The following ITGBL1 variants were observed in gnomAD, a reference collection of about 807,000 sequenced individuals.
The protein encoded by ITGBL1 is integrin beta-like protein 1.
A neutral mutation model predicts 68.5 loss-of-function variants in ITGBL1; 51 were observed. The ratio of observed to expected loss-of-function variants is 0.74; its 90% CI spans 0.59 to 0.94. The LOEUF (loss-of-function observed/expected upper bound fraction) is 0.94, where lower values mean the gene tolerates loss of function less well. Ranked by LOEUF, ITGBL1 falls within the 40% of genes least tolerant of loss-of-function variation. The pLI, the probability that ITGBL1 is intolerant of heterozygous loss-of-function variation, is 0.00. For synonymous variants in ITGBL1, 209 were observed against 227.3 expected, an observed-to-expected ratio of 0.92 and a Z score of 0.72; for missense variants, 649 against 647.4, an observed-to-expected ratio of 1.00 and a Z score of -0.03.
At chr13:101,595,804 A>T (rs1029167447) in intron 6 of ITGBL1, among the ~76,000 whole-genome samples, 1 of 152,146 alleles carries the variant, frequency 6.6e-6, no homozygotes, top group Non-Finnish European at 1.5e-5. Flanking sequence ...TTAAAAAATC[A>T]AAAAGAGAAT....
chr13:101,495,243 C>T (rs1384015997), intron 2 of ITGBL1, among the ~76,000 whole-genome samples: 1 of 152,126 alleles, frequency 6.6e-6, no homozygotes, highest in Non-Finnish European at 1.5e-5. Flanking sequence ...AGACAAAACT[C>T]CTGGTGTTCA....
chr13:101,613,806 G>A (rs1273954155), intron 7 of ITGBL1, among the ~76,000 whole-genome samples: 1 of 152,062 alleles, frequency 6.6e-6, no homozygotes, highest in Non-Finnish European at 1.5e-5. Flanking sequence ...CTGGGCGTCC[G>A]GGATTTTAAA....
At position 101,632,448 on chromosome 13, in the gene ITGBL1, T is replaced by G. The variant is rs549892088; in HGVS notation, c.1015+34149T>G. 3.3e-3 allele frequency among the ~76,000 whole-genome samples: 502 copies of G among 152,318 alleles called. 9 individuals carry two copies. Among genetic ancestry groups the G allele is most frequent in the Non-Finnish European group, 5.4e-3 (367 of 68,034 alleles). On this transcript the variant is annotated intron_variant, in intron 7 of 10. Coordinates refer to ENST00000376180, the MANE Select transcript of ITGBL1 (RefSeq NM_004791.3). ...TGTAAAGCCCAGAACTCTCATACAT[T>G]GCTGTTGGGAGTATAAAATGGAACA...
Position 101,567,831 on chromosome 13 carries a change from T to C in ITGBL1, c.449T>C (p.Ile150Thr), listed in dbSNP as rs370955494. The part of the protein sequence containing the change: ...NQMCKNSQDI[I>T]CSNAGTCHCG... Reference sequence around the variant, plus strand: ...ATGTGCAAGAATTCACAAGACATCATCTGCTCTAATGCAGGTAAGAAGTAT... The same window carrying C: ...ATGTGCAAGAATTCACAAGACATCACCTGCTCTAATGCAGGTAAGAAGTAT... The change falls in exon 3 of 11, where the codon ATC becomes ACC. Residue 150 changes from isoleucine to threonine, a missense_variant. Transcript: ENST00000376180. The C allele has an allele frequency of 1.1e-5, 17 of 1,612,952 alleles. No individual in the cohort carries two copies. The African/African-American group carries it at 2.1e-4, about 20-fold the overall frequency.
Position 101,583,258 on chromosome 13 carries a change from C to A in ITGBL1, c.770C>A (p.Pro257Gln), listed in dbSNP as rs140688507. The stretch of plus-strand genomic sequence containing the variant: ...GAATGTACCTGTCACGATGTTGATC[C>A]GACTGGGGACTGGGGAGATATTCAT... ...CGECTCHDVD[P>Q]TGDWGDIHGD... The change falls in exon 6 of 11, where the codon CCG becomes CAG. Residue 257 changes from proline (P) to glutamine (Q), a missense_variant. By Grantham distance (76) the Pro-to-Gln change is moderately conservative (BLOSUM62 -1). Transcript: ENST00000376180. The A allele has an allele frequency of 6.2e-7, 1 of 1,613,170 alleles. No homozygotes were observed. The highest frequency in any genetic ancestry group is 1.1e-5 in the South Asian group (1 of 91,036).
chr13:101,605,304 AG>A (rs1449413819), intron 7 of ITGBL1, among the ~76,000 whole-genome samples: 1 of 123,576 alleles, frequency 8.1e-6, no homozygotes, highest in Non-Finnish European at 1.7e-5. Flanking sequence ...ACACATATAT[AG>A]GCATGTATAT....
At chr13:101,623,988 C>A (rs890690025) in intron 7 of ITGBL1, among the ~76,000 whole-genome samples, 12 of 152,148 alleles carry the variant, frequency 7.9e-5, no homozygotes, top group African/African-American at 2.7e-4. Context: ...CATCTCCCCC[C>A]ACCCAGTTTA....
At chr13:101,484,196 T>A (rs1191327543) in intron 2 of ITGBL1, among the ~76,000 whole-genome samples, 1 of 152,162 alleles carries the variant, frequency 6.6e-6, no homozygotes, top group Non-Finnish European at 1.5e-5. Flanking sequence ...GTTTTATTTT[T>A]ATTTTTGTGG....
intron 7 of ITGBL1, among the ~76,000 whole-genome samples, chr13:101,636,851 A>T (rs2032186332): frequency 6.6e-6 from 1 of 152,164 alleles, no homozygotes; most frequent in African/African-American, 2.4e-5. Context: ...ATTTATTTGG[A>T]TGCCAAAGAC....
At chr13:101,699,391 G>A (rs1030460947) in intron 8 of ITGBL1, among the ~76,000 whole-genome samples, 4 of 152,070 alleles carry the variant, frequency 2.6e-5, no homozygotes, top group Admixed American at 2.0e-4. Flanking sequence ...GTGTCCCCAC[G>A]CAAATTTCAT....
At chr13:101,605,950 A>C (rs1354273522) in intron 7 of ITGBL1, among the ~76,000 whole-genome samples, 1 of 147,752 alleles carries the variant, frequency 6.8e-6, no homozygotes, top group Non-Finnish European at 1.5e-5. Context: ...ATGTGTATAT[A>C]TACACATATA....
At chr13:101,587,404 C>G (rs866865783) in intron 6 of ITGBL1, among the ~76,000 whole-genome samples, 1 of 152,172 alleles carries the variant, frequency 6.6e-6, no homozygotes, top group Non-Finnish European at 1.5e-5. Flanking sequence ...CATACACGCA[C>G]CCCTCAAAGA....
At chr13:101,482,389 A>T (rs1159278483) in intron 2 of ITGBL1, among the ~76,000 whole-genome samples, 1 of 151,708 alleles carries the variant, frequency 6.6e-6, no homozygotes, top group African/African-American at 2.4e-5. Flanking sequence ...TGCCTTGTTA[A>T]TTATATTTAT....
intron 7 of ITGBL1, among the ~76,000 whole-genome samples, chr13:101,634,380 G>A (rs1444796752): frequency 6.6e-6 from 1 of 152,070 alleles, no homozygotes; most frequent in African/African-American, 2.4e-5. Context: ...TGGTATTTTG[G>A]TTGCTAATGA....
intron 7 of ITGBL1, among the ~76,000 whole-genome samples, chr13:101,618,464 A>T (rs1290766305): frequency 6.6e-6 from 1 of 152,198 alleles, no homozygotes; most frequent in Non-Finnish European, 1.5e-5. Context: ...TATTTTAATT[A>T]AAAGACCTTA....
intron 2 of ITGBL1, among the ~76,000 whole-genome samples, chr13:101,534,293 A>T (rs2049533006): frequency 6.6e-6 from 1 of 152,154 alleles, no homozygotes; most frequent in Non-Finnish European, 1.5e-5. Context: ...GAAAGGATAA[A>T]ACAAGAAATA....
chr13:101,676,169 T>C (rs2033497576), intron 7 of ITGBL1, among the ~76,000 whole-genome samples: 1 of 152,164 alleles, frequency 6.6e-6, no homozygotes, highest in Non-Finnish European at 1.5e-5. Flanking sequence ...TTTTAGTGAA[T>C]CTGTCCTGTC....
At chr13:101,701,784 A>C (rs929011382) in intron 8 of ITGBL1, among the ~76,000 whole-genome samples, 2 of 152,146 alleles carry the variant, frequency 1.3e-5, no homozygotes, top group Admixed American at 6.5e-5. Context: ...AGGTACCTAG[A>C]GTAGTCAGAT....
At chr13:101,605,106 ATG>A (rs2030679739) in intron 7 of ITGBL1, among the ~76,000 whole-genome samples, 1 of 147,056 alleles carries the variant, frequency 6.8e-6, no homozygotes, top group South Asian at 2.1e-4. Flanking sequence ...ATGTGTATAT[ATG>A]TATATGTGTA....
Sources: allele counts gnomAD v4.1 joint callset (sites outside exome capture counted in the v4.1 genomes callset), GRCh38; gene constraint gnomAD v4.1.1; transcripts MANE v1.5; gene names NCBI Gene and HGNC (gene_info 2026-07-23, HGNC 2026-07-21).